TNRC18: variants seen among roughly 807,000 people sequenced by gnomAD.
TNRC18 encodes the protein trinucleotide repeat containing 18, also known as trinucleotide repeat-containing gene 18 protein.
Under a neutral mutation model 226.7 loss-of-function variants are expected in TNRC18, and 69 were observed. The observed-to-expected ratio is 0.30, with a 90% CI of 0.25 to 0.37. The LOEUF (loss-of-function observed/expected upper bound fraction) is 0.37. Ranked by LOEUF, TNRC18 falls within the 10% of genes least tolerant of loss-of-function variation. The pLI, the probability that TNRC18 is intolerant of heterozygous loss-of-function variation, is 1.00. For synonymous variants in TNRC18, 2,449 were observed against 1,927.6 expected, an observed-to-expected ratio of 1.27 and a Z score of -7.09; for missense variants, 4,754 against 4,256.6, an observed-to-expected ratio of 1.12 and a Z score of -3.25.
chr7:5,325,314 C>T, intron 19 of TNRC18, 66 bp from the exon 20 acceptor site: 1 of 1,513,224 alleles, frequency 6.6e-7, no homozygotes, highest in Non-Finnish European at 8.8e-7. Context: ...CACCCCTGTC[C>T]CCCTCACTCA....
intron 2 of TNRC18, among the ~76,000 whole-genome samples, chr7:5,404,936 A>T (rs1329521119): frequency 6.6e-6 from 1 of 152,010 alleles, no homozygotes; most frequent in Non-Finnish European, 1.5e-5. Context: ...CAACACGGTG[A>T]AACCCAGTCT....
intron 5 of TNRC18, among the ~76,000 whole-genome samples, chr7:5,384,369 G>C (rs1203161896): frequency 6.6e-6 from 1 of 152,176 alleles, no homozygotes; most frequent in Non-Finnish European, 1.5e-5. Context: ...CCGAAGTGCT[G>C]GGATTACAGG....
At chr7:5,420,249 A>G in intron 2 of TNRC18, 1 of 370,098 alleles carries the variant, frequency 2.7e-6, no homozygotes, top group Non-Finnish European at 5.4e-6. Flanking sequence ...CTTCTCGGCC[A>G]CCTCCTCCAG....
chr7:5,379,198 C>CA (rs58739082), intron 5 of TNRC18, among the ~76,000 whole-genome samples: 19,375 of 140,754 alleles, frequency 0.14, 1,636 homozygotes, highest in Middle Eastern at 0.24. Context: ...AAGACTCCGT[C>CA]AAAAAAAAAA....
chr7:5,331,592 T>G (rs959257174), intron 19 of TNRC18, among the ~76,000 whole-genome samples: 2 of 152,054 alleles, frequency 1.3e-5, no homozygotes, highest in Non-Finnish European at 2.9e-5. Context: ...CAATAGTTAC[T>G]CCAGGGACCT....
At chr7:5,362,874 A>C in intron 11 of TNRC18, 49 bp from the exon 12 acceptor site, 1 of 1,437,916 alleles carries the variant, frequency 7.0e-7, no homozygotes, top group Non-Finnish European at 9.1e-7. Flanking sequence ...CCCTTCCCCA[A>C]CCCCAAACGG....
At chr7:5,405,945 A>T (rs1365011828) in intron 2 of TNRC18, among the ~76,000 whole-genome samples, 1 of 152,116 alleles carries the variant, frequency 6.6e-6, no homozygotes, top group Non-Finnish European at 1.5e-5. Context: ...GAAATCCAGA[A>T]CTCGAACACG....
intron 18 of TNRC18, among the ~76,000 whole-genome samples, chr7:5,339,586 CAG>C (rs1242455804): frequency 3.7e-5 from 5 of 135,756 alleles, no homozygotes; most frequent in Admixed American, 1.6e-4. Context: ...TGTTTTTCGA[CAG>C]AGTGTCGCTC....
intron 18 of TNRC18, among the ~76,000 whole-genome samples, chr7:5,341,762 C>CAA (rs34897154): frequency 2.0e-4 from 18 of 92,180 alleles, no homozygotes; most frequent in Admixed American, 4.9e-4. Flanking sequence ...GACTCCGTCT[C>CAA]AAAAAAAAAA....
intron 18 of TNRC18, 35 bp downstream of exon 18, chr7:5,345,527 C>CCCCCCCCCACA: frequency 3.0e-6 from 1 of 332,470 alleles, no homozygotes; most frequent in Non-Finnish European, 4.9e-6. Context: ...GCCCCTCCCA[C>CCCCCCCCCACA]CCACCCCCAC....
rs375908906 is a variant in TNRC18, at chr7:5,371,096, G to A, written c.3498C>T (p.Asp1166=). ...REVKAEVEDM[D]EGPTELPPLE... ...GAGGCGGCAGCTCTGTGGGGCCCTC[G>A]TCCATGTCCTCCACCTCTGCCTTCA... Residue 1166 remains aspartate, a synonymous_variant, in exon 11 of 30, where the codon GAC becomes GAT. Transcript: ENST00000430969. 4.3e-5 allele frequency: 70 copies of A among 1,612,256 alleles called. 1 individual carries two copies. The South Asian group carries it at 5.4e-4, about 12-fold the overall frequency.
chr7:5,346,059 G>C (rs1399351064), intron 17 of TNRC18, among the ~76,000 whole-genome samples: 2 of 152,260 alleles, frequency 1.3e-5, no homozygotes, highest in African/African-American at 4.8e-5. Context: ...TTGTGTGTCA[G>C]GGTGGGCTTC....
chr7:5,342,982 C>T (rs181273874), intron 18 of TNRC18, among the ~76,000 whole-genome samples: 88 of 152,326 alleles, frequency 5.8e-4, no homozygotes, highest in African/African-American at 2.0e-3. Flanking sequence ...AAGTTTACAA[C>T]TCACTAAAGG....
Position 5,312,528 on chromosome 7 carries a change from C to T in TNRC18, c.8363G>A (p.Trp2788Ter). Reference protein sequence around the residue: ...IAAFLPARQLWKWFGKPTQRR... With the variant: ...IAAFLPARQL ...CTGGGTGGGCTTGCCGAACCACTTC[C>T]AGAGCTGCCGGGCTGGCAGGAAGGC... Residue 2788 changes from tryptophan (W) to a stop codon, truncating the protein, a stop_gained, in exon 27 of 30, where the codon TGG (tryptophan) becomes TAG (stop). Transcript: ENST00000430969. LOFTEE classifies it high-confidence loss of function. This position sits in a 1 kb window ranked among gnomAD's most constrained non-coding sequence, Gnocchi z 6.3. 6.2e-7 allele frequency: 1 copy of T among 1,611,222 alleles called. No homozygotes were observed. Among genetic ancestry groups the T allele is most frequent in the Non-Finnish European group, 8.5e-7 (1 of 1,179,348 alleles).
rs553830980 is a variant in TNRC18 at position 5,347,260 on chromosome 7, G to A, written c.5471-1450C>T. The stretch of plus-strand genomic sequence containing the variant: ...TGGAGTGCAGTGGCACGATTTCGGC[G>A]CACTGCAAGCTCCACCTCCTGGGTT... On this transcript the variant is annotated intron_variant, in intron 17 of 29. Transcript: ENST00000430969. Among the ~76,000 whole-genome samples the A allele has an allele frequency of 1.8e-4, 27 of 150,326 alleles. No homozygotes were observed. In the East Asian group the frequency reaches 4.0e-3, roughly 22 times the overall value.
chr7:5,366,318 CTT>C lies in TNRC18; in HGVS notation c.4220-3495_4220-3494del, dbSNP rs202053648. On this transcript the variant is annotated intron_variant, in intron 11 of 29. Transcript: ENST00000430969. ...AATGCTTGTTTTGCTCTTCTTATATCTTTTTTTTTTTTTTTTTTTTTTTTTTG... is the reference window on the plus strand; with the variant it reads ...AATGCTTGTTTTGCTCTTCTTATATCTTTTTTTTTTTTTTTTTTTTTTTTG... Among the ~76,000 whole-genome samples the C allele has an allele frequency of 8.0e-3, 563 of 70,406 alleles. 1 individual carries two copies. The highest frequency in any genetic ancestry group is 0.034 in the African/African-American group (538 of 15,780). 46.2% of individuals were successfully genotyped at this position (70,406 alleles called of 152,430 possible).
intron 2 of TNRC18, among the ~76,000 whole-genome samples, chr7:5,395,669 G>A (rs938025637): frequency 1.3e-5 from 2 of 152,254 alleles, no homozygotes; most frequent in African/African-American, 4.8e-5. Context: ...GGGAATGATA[G>A]GGAAGGAAGC....
rs763188003 is a variant in TNRC18, at chr7:5,361,577, C to A, written c.4661+17G>T. On this transcript the variant is annotated intron_variant, in intron 14 of 29. Coordinates refer to ENST00000430969, the MANE Select transcript of TNRC18 (RefSeq NM_001080495.3). The stretch of plus-strand genomic sequence containing the variant: ...AGCTGTGTGCCAGTCCCCGACCCAC[C>A]GAGGGGCCAGCCTTACTTTCCGCTA... The A allele has an allele frequency of 2.7e-4, 403 of 1,495,654 alleles. No homozygotes were observed. Among genetic ancestry groups the A allele is most frequent in the Non-Finnish European group, 2.2e-4 (243 of 1,121,236 alleles). The allele number at this position is 1,495,654 out of a possible 1,614,324, so 92.6% of individuals were successfully genotyped here.
chr7:5,394,464 G>T lies in TNRC18; in HGVS notation c.319C>A (p.Leu107Met). 1 of 1,555,270 alleles carries T rather than the reference G, an allele frequency of 6.4e-7. No homozygotes were observed. The highest frequency in any genetic ancestry group is 2.4e-5 in the East Asian group (1 of 41,078). The change falls in exon 3 of 30, where the codon CTG becomes ATG. Residue 107 changes from leucine to methionine, a missense_variant. By Grantham distance (15) the Leu-to-Met change is conservative. Coordinates refer to ENST00000430969, the MANE Select transcript of TNRC18 (RefSeq NM_001080495.3). The surrounding 1 kb of genome is among the most constrained non-coding windows in gnomAD (Gnocchi z 4.5). ...CCTTCATGGGCGTGGGCGGCCCACAGCTGCACCATGGGCAGGTTGCTAGGG... is the reference window on the plus strand; with the variant it reads ...CCTTCATGGGCGTGGGCGGCCCACATCTGCACCATGGGCAGGTTGCTAGGG... ...PTPSNLPMVQ[L>M]WAAHAHEGFS...
Sources: gnomAD v4.1 joint callset for allele counts (sites outside exome capture counted in the v4.1 genomes callset) on GRCh38, gnomAD v4.1.1 for gene constraint, Gnocchi (gnomAD v3.1) non-coding constraint, MANE v1.5 for transcripts, NCBI Gene and HGNC (gene_info 2026-07-23, HGNC 2026-07-21) for gene names.